DDX10: variants seen among roughly 807,000 people sequenced by gnomAD.
The protein encoded by DDX10 is probable ATP-dependent RNA helicase DDX10.
In DDX10, 74 loss-of-function variants were observed where a neutral mutation model predicts 104.3. That is an observed-to-expected ratio of 0.71 (90% CI 0.59 to 0.86). DDX10 has a LOEUF of 0.86. Ranked by LOEUF, DDX10 falls within the 40% of genes least tolerant of loss-of-function variation. DDX10 has a pLI of 0.00. For missense variants in DDX10, 952 were observed against 1,040.0 expected (o/e 0.92, Z 1.16); for synonymous variants, 351 against 353.4 (o/e 0.99, Z 0.08).
At chr11:108,685,024 C>T (rs1316083753) in intron 6 of DDX10, among the ~76,000 whole-genome samples, 6 of 135,704 alleles carry the variant, frequency 4.4e-5, no homozygotes, top group Non-Finnish European at 9.4e-5. Context: ...TGTTCATGTC[C>T]TTCGCCCACT....
chr11:108,696,698 G>A (rs968402886), intron 9 of DDX10, among the ~76,000 whole-genome samples: 9 of 152,024 alleles, frequency 5.9e-5, no homozygotes, highest in African/African-American at 1.7e-4. Flanking sequence ...GGGTGTAGGC[G>A]CTTTTTATTT....
At position 108,834,643 on chromosome 11, in the gene DDX10, A is replaced by G. The variant is rs903606238; in HGVS notation, c.1966-3803A>G. 2.9e-4 allele frequency among the ~76,000 whole-genome samples: 44 copies of G among 152,220 alleles called. 1 individual carries two copies. The highest frequency in any genetic ancestry group is 2.9e-3 in the Admixed American group (44 of 15,298). ...TATTACAGTGATCCCTTAAGTTTAT[A>G]CTGTCTGATCAGCATTGCTTCTGTC... On this transcript the variant is annotated intron_variant, in intron 13 of 17. Transcript: ENST00000322536.
intron 13 of DDX10, among the ~76,000 whole-genome samples, chr11:108,759,608 A>G (rs1399112308): frequency 2.0e-5 from 3 of 151,888 alleles, no homozygotes; most frequent in African/African-American, 7.3e-5. Flanking sequence ...ATAGCCAACA[A>G]CTCTTGAGAC....
At chr11:108,798,706 G>T (rs1318872442) in intron 13 of DDX10, among the ~76,000 whole-genome samples, 1 of 152,156 alleles carries the variant, frequency 6.6e-6, no homozygotes, top group Non-Finnish European at 1.5e-5. Flanking sequence ...GAGGGTTGAG[G>T]ATGTTAGTGT....
chr11:108,913,181 C>T (rs904796863), intron 16 of DDX10, among the ~76,000 whole-genome samples: 5 of 151,994 alleles, frequency 3.3e-5, no homozygotes, highest in African/African-American at 9.7e-5. Context: ...CCAAGGTGGT[C>T]GGGGCACAGC....
At chr11:108,822,375 C>A in intron 13 of DDX10, 1 of 401,734 alleles carries the variant, frequency 2.5e-6, no homozygotes, top group Non-Finnish European at 5.0e-6. Context: ...TCAAGTCTGC[C>A]CTTTCTGCCT....
chr11:108,747,640 G>A (rs1017988468), intron 13 of DDX10, among the ~76,000 whole-genome samples: 4 of 151,966 alleles, frequency 2.6e-5, no homozygotes, highest in African/African-American at 9.7e-5. Flanking sequence ...GATTTCTCTG[G>A]CCTAATCCCC....
rs544695432 is a variant in DDX10, at chr11:108,713,849, G to T, written c.1323-2030G>T. ...AAAGCATTCTTAAGACCTATAGTAG[G>T]TCTCAGTCTTTTTGTGAGCCTATGC... On this transcript the variant is annotated intron_variant, in intron 10 of 17. Transcript: ENST00000322536. 5.9e-5 allele frequency among the ~76,000 whole-genome samples: 9 copies of T among 152,276 alleles called. No homozygotes were observed. The East Asian group carries it at 1.5e-3, about 26-fold the overall frequency.
At chr11:108,817,087 C>A (rs995258807) in intron 13 of DDX10, among the ~76,000 whole-genome samples, 4 of 152,108 alleles carry the variant, frequency 2.6e-5, no homozygotes, top group Admixed American at 6.6e-5. Context: ...TATCAATTAG[C>A]CTATGGCAAA....
chr11:108,871,298 C>G (rs891696603), intron 16 of DDX10, among the ~76,000 whole-genome samples: 4 of 152,262 alleles, frequency 2.6e-5, no homozygotes, highest in Admixed American at 1.3e-4. Flanking sequence ...CCTGGGCAAA[C>G]CCAGGTATGA....
chr11:108,675,548 A>G (rs768792613), intron 2 of DDX10, 48 bp from the exon 3 acceptor site: 2 of 1,596,758 alleles, frequency 1.3e-6, no homozygotes, highest in South Asian at 1.1e-5. Flanking sequence ...CTATAATACC[A>G]TCCTACAGGG....
At chr11:108,842,532 GC>G (rs1862652884) in intron 15 of DDX10, among the ~76,000 whole-genome samples, 2 of 152,114 alleles carry the variant, frequency 1.3e-5, no homozygotes, top group Non-Finnish European at 2.9e-5. Context: ...AATATTTGAT[GC>G]AGCTTCAGAG....
At chr11:108,860,289 C>T (rs1862924031) in intron 16 of DDX10, among the ~76,000 whole-genome samples, 1 of 152,078 alleles carries the variant, frequency 6.6e-6, no homozygotes, top group Non-Finnish European at 1.5e-5. Context: ...AAAATATGAA[C>T]TTATTTGTTT....
intron 13 of DDX10, among the ~76,000 whole-genome samples, chr11:108,804,790 G>GA (rs1862075129): frequency 1.3e-5 from 2 of 152,176 alleles, no homozygotes; most frequent in South Asian, 2.1e-4. Flanking sequence ...CTGTTGGCTG[G>GA]AGGCCACCTC....
At chr11:108,899,242 C>G (rs1591116483) in intron 16 of DDX10, among the ~76,000 whole-genome samples, 1 of 151,778 alleles carries the variant, frequency 6.6e-6, no homozygotes, top group East Asian at 1.9e-4. Flanking sequence ...TCTCCTCCCC[C>G]CAACCCCCCG....
chr11:108,862,356 C>T (rs763406660), intron 16 of DDX10, among the ~76,000 whole-genome samples: 4 of 152,068 alleles, frequency 2.6e-5, no homozygotes, highest in Non-Finnish European at 5.9e-5. Context: ...TGCGGGTAGA[C>T]GAGATCTCTT....
In DDX10 at chr11:108,895,617, C is replaced by T. The variant is rs570701711; in HGVS notation, c.2305-22256C>T. Among the ~76,000 whole-genome samples the T allele has an allele frequency of 1.4e-3, 218 of 152,064 alleles. 2 individuals are homozygous for T. The highest frequency in any genetic ancestry group is 9.3e-3 in the South Asian group (45 of 4,822). The stretch of plus-strand genomic sequence containing the variant: ...TTTTTGAAAGATGTAACTAATAATA[C>T]AAGTTTACTTAATAATATTGTTGTA... On this transcript the variant is annotated intron_variant, in intron 16 of 17. Transcript: ENST00000322536.
At chr11:108,701,020 C>G (rs569823136) in intron 9 of DDX10, among the ~76,000 whole-genome samples, 7 of 152,274 alleles carry the variant, frequency 4.6e-5, no homozygotes, top group Admixed American at 4.6e-4. Context: ...TAATTACTTA[C>G]AGTGAACTTC....
intron 16 of DDX10, among the ~76,000 whole-genome samples, chr11:108,858,618 A>G (rs115665018): frequency 1.8e-3 from 268 of 152,262 alleles, no homozygotes; most frequent in African/African-American, 6.0e-3. Flanking sequence ...TATTAAGATG[A>G]TAGATTCTTA....
Sources: allele counts gnomAD v4.1 joint callset (sites outside exome capture counted in the v4.1 genomes callset), GRCh38; gene constraint gnomAD v4.1.1; transcripts MANE v1.5; gene names NCBI Gene and HGNC (gene_info 2026-07-23, HGNC 2026-07-21).